IL1RAPL2: variants seen among roughly 807,000 people sequenced by gnomAD.
IL1RAPL2 encodes X-linked interleukin-1 receptor accessory protein-like 2.
In IL1RAPL2, 3 loss-of-function variants were observed where a neutral mutation model predicts 44.1. The ratio of observed to expected loss-of-function variants is 0.07; its 90% CI spans 0.03 to 0.18. The LOEUF (loss-of-function observed/expected upper bound fraction) is 0.18. IL1RAPL2 is among the 10% of genes least tolerant of loss of function. The pLI, the probability that IL1RAPL2 is intolerant of heterozygous loss-of-function variation, is 1.00. For missense variants in IL1RAPL2, 391 were observed against 496.4 expected (o/e 0.79, Z 2.02); for synonymous variants, 181 against 178.8 (o/e 1.01, Z -0.10).
In IL1RAPL2 at chrX:105,045,647, A is replaced by G. The variant is rs2031827598; in HGVS notation, c.83-149828A>G. 2.7e-5 allele frequency among the ~76,000 whole-genome samples: 3 copies of G among 111,786 alleles called. No homozygotes were observed. In the South Asian group the frequency reaches 1.1e-3, roughly 42 times the overall value. On this transcript the variant is annotated intron_variant, in intron 2 of 10. Coordinates refer to ENST00000372582, the MANE Select transcript of IL1RAPL2 (RefSeq NM_017416.2). ...ACTGCAGCCTTGAACTCCTGGGCTT[A>G]TGCAATCTTCCCACCTCAGCCTCCT...
chrX:104,662,584 G>A (rs1036015683), intron 2 of IL1RAPL2, among the ~76,000 whole-genome samples: 3 of 111,413 alleles, frequency 2.7e-5, no homozygotes, highest in African/African-American at 9.8e-5. Flanking sequence ...TTTTCCTGTA[G>A]AGGACACAGG....
intron 5 of IL1RAPL2, among the ~76,000 whole-genome samples, chrX:105,305,165 T>TTA (rs2034725451): frequency 9.0e-6 from 1 of 111,532 alleles, no homozygotes; most frequent in African/African-American, 3.3e-5. Flanking sequence ...GTATTACATC[T>TTA]TAACATGAGA....
chrX:104,916,950 G>A (rs879081101), intron 2 of IL1RAPL2, among the ~76,000 whole-genome samples: 2 of 111,542 alleles, frequency 1.8e-5, no homozygotes, highest in Non-Finnish European at 1.9e-5. Context: ...GCTTTTTGAT[G>A]TGCTGCTGGA....
intron 6 of IL1RAPL2, among the ~76,000 whole-genome samples, chrX:105,697,705 TAA>T (rs1230003881): frequency 2.7e-5 from 3 of 111,590 alleles, no homozygotes; most frequent in Non-Finnish European, 5.6e-5. Flanking sequence ...CACATGCATA[TAA>T]GTACACCTGA....
At chrX:105,690,725 A>G (rs2038028309) in intron 6 of IL1RAPL2, among the ~76,000 whole-genome samples, 1 of 112,237 alleles carries the variant, frequency 8.9e-6, no homozygotes, top group African/African-American at 3.2e-5. Context: ...TTCTAATTAC[A>G]TAAGAATTTA....
intron 6 of IL1RAPL2, among the ~76,000 whole-genome samples, chrX:105,524,458 T>C (rs1602450355): frequency 9.1e-6 from 1 of 110,248 alleles, no homozygotes; most frequent in South Asian, 3.9e-4. Flanking sequence ...TCTCGGCAGA[T>C]TAACAGGTTT....
chrX:104,732,478 A>T (rs1309454652), intron 2 of IL1RAPL2, among the ~76,000 whole-genome samples: 1 of 112,066 alleles, frequency 8.9e-6, no homozygotes, highest in Non-Finnish European at 1.9e-5. Context: ...AAACACAGTA[A>T]CAATATCTTG....
chrX:105,276,960 A>G (rs1407206467), intron 5 of IL1RAPL2, among the ~76,000 whole-genome samples: 1 of 111,965 alleles, frequency 8.9e-6, no homozygotes, highest in Non-Finnish European at 1.9e-5. Flanking sequence ...AAGGGGCACA[A>G]TTTATGGATG....
At chrX:104,731,577 A>C (rs1931920602) in intron 2 of IL1RAPL2, among the ~76,000 whole-genome samples, 1 of 110,629 alleles carries the variant, frequency 9.0e-6, no homozygotes. Flanking sequence ...TAATTTTTGT[A>C]TTTTTAGTAG....
chrX:105,100,267 A>G (rs1162724185), intron 2 of IL1RAPL2, among the ~76,000 whole-genome samples: 1 of 111,747 alleles, frequency 8.9e-6, no homozygotes, highest in East Asian at 2.8e-4. Flanking sequence ...TCAGCCACAG[A>G]TAAAGAAGAA....
chrX:105,366,844 AT>A (rs1337150388), intron 5 of IL1RAPL2, among the ~76,000 whole-genome samples: 1 of 111,777 alleles, frequency 8.9e-6, no homozygotes, highest in Non-Finnish European at 1.9e-5. Context: ...GTAAATATCT[AT>A]TAGGTGTTTT....
At chrX:105,552,832 A>G (rs2036867944) in intron 6 of IL1RAPL2, among the ~76,000 whole-genome samples, 1 of 112,454 alleles carries the variant, frequency 8.9e-6, no homozygotes, top group Non-Finnish European at 1.9e-5. Flanking sequence ...CACTTGTTCA[A>G]TAACAAAAAA....
intron 2 of IL1RAPL2, among the ~76,000 whole-genome samples, chrX:104,719,326 A>C (rs1931635552): frequency 8.9e-6 from 1 of 112,069 alleles, no homozygotes; most frequent in Non-Finnish European, 1.9e-5. Context: ...GTCTTTATGT[A>C]GTTTCATCAG....
chrX:105,059,496 A>G (rs2032043188), intron 2 of IL1RAPL2, among the ~76,000 whole-genome samples: 1 of 112,083 alleles, frequency 8.9e-6, no homozygotes, highest in South Asian at 3.7e-4. Flanking sequence ...CATTCTGTAG[A>G]TGTACCAGAT....
intron 2 of IL1RAPL2, among the ~76,000 whole-genome samples, chrX:105,026,023 A>G (rs1162395263): frequency 1.8e-5 from 2 of 110,975 alleles, no homozygotes; most frequent in Non-Finnish European, 3.8e-5. Context: ...CAAAAAAGAC[A>G]AGAGTTGGGA....
intron 3 of IL1RAPL2, among the ~76,000 whole-genome samples, chrX:105,205,609 A>AGAGCT (rs2033756509): frequency 1.1e-5 from 1 of 87,859 alleles, no homozygotes; most frequent in African/African-American, 4.7e-5. Context: ...AAAAAAAAAA[A>AGAGCT]AAAAAAAAAA....
chrX:105,275,872 ACT>A (rs1177454217), intron 5 of IL1RAPL2, among the ~76,000 whole-genome samples: 1 of 110,764 alleles, frequency 9.0e-6, no homozygotes, highest in Non-Finnish European at 1.9e-5. Flanking sequence ...CCCCACTGTT[ACT>A]CTGTTTGCTG....
rs866180632 is a variant in IL1RAPL2, at chrX:104,660,932, A to C, written c.82+1937A>C. ...TGGGTGACAGAACCAGACCCTGTCT[A>C]TATATATATATATATACACACACAC... On this transcript the variant is annotated intron_variant, in intron 2 of 10. Transcript: ENST00000372582. Among the ~76,000 whole-genome samples, 9 of 85,902 alleles carry C rather than the reference A, an allele frequency of 1.0e-4. 1 individual carries two copies. Among genetic ancestry groups the C allele is most frequent in the Admixed American group, 6.8e-4 (6 of 8,833 alleles). The allele number at this position is 85,902 out of a possible 115,157, so 74.6% of individuals were successfully genotyped here.
chrX:104,621,286 T>C (rs1281459768), intron 1 of IL1RAPL2, among the ~76,000 whole-genome samples: 2 of 107,898 alleles, frequency 1.9e-5, no homozygotes, highest in African/African-American at 3.4e-5. Context: ...TACAATAGAA[T>C]ATACATATAT....
Sources: gnomAD v4.1 joint callset for allele counts (sites outside exome capture counted in the v4.1 genomes callset) on GRCh38, gnomAD v4.1.1 for gene constraint, MANE v1.5 for transcripts, NCBI Gene and HGNC (gene_info 2026-07-23, HGNC 2026-07-21) for gene names.